Variants in SGIP1 observed in about 807,000 individuals in gnomAD.
The protein encoded by SGIP1 is SH3-containing GRB2-like protein 3-interacting protein 1.
In SGIP1, 38 loss-of-function variants were observed where a neutral mutation model predicts 107.5. The observed-to-expected ratio is 0.35, with a 90% CI of 0.27 to 0.46. The LOEUF (loss-of-function observed/expected upper bound fraction) is 0.46. SGIP1 is among the 20% of genes least tolerant of loss of function. The probability of loss-of-function intolerance (pLI) is 1.00; values close to 1 mark genes in which losing one functional copy is unlikely to be tolerated. For synonymous variants in SGIP1, 365 were observed against 366.1 expected (o/e 1.00, Z 0.03); for missense variants, 929 against 1,019.5 (o/e 0.91, Z 1.21).
chr1:66,546,380 A>G (rs1340686081), intron 1 of SGIP1, among the ~76,000 whole-genome samples: 1 of 152,234 alleles, frequency 6.6e-6, no homozygotes, highest in Non-Finnish European at 1.5e-5. Flanking sequence ...TTGCAAAATA[A>G]GAAGATACAT....
chr1:66,636,057 A>T (rs774888879), intron 4 of SGIP1, 42 bp downstream of exon 4: 48 of 1,567,308 alleles, frequency 3.1e-5, no homozygotes, highest in Non-Finnish European at 4.2e-5. Flanking sequence ...AAAGGGTTAT[A>T]AAAAACAGTG....
intron 17 of SGIP1, 82 bp from the exon 18 acceptor site, chr1:66,695,352 A>T (rs746814290): frequency 1.3e-4 from 202 of 1,607,958 alleles, no homozygotes; most frequent in Non-Finnish European, 1.6e-4. Flanking sequence ...GAGATTAATG[A>T]CCTGCTCTGT....
chr1:66,569,255 G>T (rs2060063723), intron 1 of SGIP1, among the ~76,000 whole-genome samples: 1 of 151,878 alleles, frequency 6.6e-6, no homozygotes, highest in African/African-American at 2.4e-5. Context: ...GGGCTTTGGT[G>T]CAATGTTGAA....
At chr1:66,542,564 G>A (rs1209712618) in intron 1 of SGIP1, among the ~76,000 whole-genome samples, 1 of 152,148 alleles carries the variant, frequency 6.6e-6, no homozygotes, top group Non-Finnish European at 1.5e-5. Context: ...AGTGTAGACA[G>A]CGTGGATACA....
chr1:66,743,245 C>T lies in SGIP1; in HGVS notation c.*150C>T. ...TCAATGACTTTCATCTGTGATTTCC[C>T]TCACACACTACCATGATGACCAGTC... On this transcript the variant is annotated 3_prime_UTR_variant, in exon 25 of 25. Transcript: ENST00000371037. The T allele has an allele frequency of 4.4e-6, 3 of 680,990 alleles. No individual in the cohort carries two copies. Among genetic ancestry groups the T allele is most frequent in the Admixed American group, 4.7e-5 (2 of 42,134 alleles). 42.2% of individuals were successfully genotyped at this position (680,990 alleles called of 1,614,324 possible).
At chr1:66,623,407 T>C (rs4655639) in intron 1 of SGIP1, among the ~76,000 whole-genome samples, 80,258 of 151,822 alleles carry the variant, frequency 0.53, 22,310 homozygotes, top group East Asian at 0.87. Context: ...GCACCACCAC[T>C]CAGGCTAATT....
intron 1 of SGIP1, among the ~76,000 whole-genome samples, chr1:66,559,008 G>T (rs1218197263): frequency 3.3e-5 from 5 of 152,016 alleles, no homozygotes; most frequent in Non-Finnish European, 4.4e-5. Flanking sequence ...ATCTGGGGAT[G>T]AGGGAAAGGA....
chr1:66,584,515 A>G (rs1040056940), intron 1 of SGIP1, among the ~76,000 whole-genome samples: 4 of 152,116 alleles, frequency 2.6e-5, no homozygotes, highest in Admixed American at 2.0e-4. Flanking sequence ...AAATGCAAAC[A>G]AGGACATTTA....
At chr1:66,658,878 G>T (rs969567951) in intron 7 of SGIP1, among the ~76,000 whole-genome samples, 43 of 152,178 alleles carry the variant, frequency 2.8e-4, no homozygotes, top group Non-Finnish European at 1.3e-4. Flanking sequence ...ATCTGGGAAA[G>T]GTCTCATGGA....
chr1:66,673,195 G>A (rs200229616), intron 11 of SGIP1, 86 bp from the exon 12 acceptor site: 22 of 997,520 alleles, frequency 2.2e-5, no homozygotes, highest in South Asian at 5.9e-5. Flanking sequence ...GTTTCACTAA[G>A]AAAAATATGT....
rs144569230 is a variant in SGIP1 at position 66,750,501 on chromosome 1, T to C, written c.*7406T>C. Among the ~76,000 whole-genome samples, 25 of 152,340 alleles carry C rather than the reference T, an allele frequency of 1.6e-4. 1 individual carries two copies. The highest frequency in any genetic ancestry group is 6.5e-4 in the Admixed American group (10 of 15,304). On this transcript the variant is annotated 3_prime_UTR_variant, in exon 25 of 25. Transcript: ENST00000371037. The stretch of plus-strand genomic sequence containing the variant: ...TTTATTTAGAGCTCTCTTTGATCTA[T>C]GTAGCAAAAATACACTAAATTTCTT...
chr1:66,634,468 T>C (rs2149411039), intron 3 of SGIP1, among the ~76,000 whole-genome samples: 1 of 152,286 alleles, frequency 6.6e-6, no homozygotes, highest in Non-Finnish European at 1.5e-5. Context: ...GTACAGCAGC[T>C]GACACGTGGC....
At chr1:66,670,329 A>C (rs1295419059) in intron 9 of SGIP1, among the ~76,000 whole-genome samples, 1 of 152,248 alleles carries the variant, frequency 6.6e-6, no homozygotes. Flanking sequence ...TACCAGGGCT[A>C]TTTGTATTCC....
At chr1:66,719,263 A>T (rs773837015) in intron 18 of SGIP1, 31 bp from the exon 19 acceptor site, 8 of 1,488,030 alleles carry the variant, frequency 5.4e-6, no homozygotes, top group Middle Eastern at 1.7e-4. Context: ...TCCTATTTTC[A>T]TAATAAATGA....
chr1:66,695,215 A>T, intron 17 of SGIP1: 2 of 882,118 alleles, frequency 2.3e-6, no homozygotes, highest in Non-Finnish European at 3.2e-6. Context: ...CCATTCCTTT[A>T]GGCCTCCATA....
At position 66,537,394 on chromosome 1, in the gene SGIP1, A is replaced by T. The variant is rs1030743496; in HGVS notation, c.10+3026A>T. ...CAATGAAGTCTATGTGGTTAGGGCA[A>T]CTATTCAAGGACTATTTTTTGATAT... On this transcript the variant is annotated intron_variant, in intron 1 of 24. Coordinates refer to ENST00000371037, the MANE Select transcript of SGIP1 (RefSeq NM_032291.4). 2.0e-5 allele frequency among the ~76,000 whole-genome samples: 3 copies of T among 152,180 alleles called. No individual in the cohort carries two copies. The East Asian group carries it at 5.8e-4, about 29-fold the overall frequency.
intron 13 of SGIP1, among the ~76,000 whole-genome samples, chr1:66,677,418 C>T (rs1205412534): frequency 6.6e-6 from 1 of 152,150 alleles, no homozygotes; most frequent in Non-Finnish European, 1.5e-5. Flanking sequence ...TACTGCATTC[C>T]AGGCATTAGG....
chr1:66,625,164 G>A (rs1348574881), intron 1 of SGIP1, among the ~76,000 whole-genome samples: 2 of 152,272 alleles, frequency 1.3e-5, no homozygotes, highest in Admixed American at 6.5e-5. Flanking sequence ...AGTGTCTTAC[G>A]CCTCTAGGAT....
Position 66,701,096 on chromosome 1 carries a change from A to G in SGIP1, c.1630+5603A>G, listed in dbSNP as rs2091841193. Reference sequence around the variant, plus strand: ...ACTTAGTCATTGGCAAGTCACAATTATAGTCATAGAGCATTCGACTTTCCT... The same window carrying G: ...ACTTAGTCATTGGCAAGTCACAATTGTAGTCATAGAGCATTCGACTTTCCT... On this transcript the variant is annotated intron_variant, in intron 18 of 24. Coordinates refer to ENST00000371037, the MANE Select transcript of SGIP1 (RefSeq NM_032291.4). Among the ~76,000 whole-genome samples, 3 of 152,178 alleles carry G rather than the reference A, an allele frequency of 2.0e-5. No individual in the cohort carries two copies. In the South Asian group the frequency reaches 6.2e-4, roughly 32 times the overall value.
Sources: allele counts gnomAD v4.1 joint callset (sites outside exome capture counted in the v4.1 genomes callset), GRCh38; gene constraint gnomAD v4.1.1; transcripts MANE v1.5; gene names NCBI Gene and HGNC (gene_info 2026-07-23, HGNC 2026-07-21).